Variants in SLC37A2 observed in about 807,000 individuals in gnomAD.
SLC37A2 encodes the protein solute carrier family 37 member 2.
Under a neutral mutation model 70.7 loss-of-function variants are expected in SLC37A2, and 59 were observed. The observed-to-expected ratio is 0.83, with a 90% CI of 0.68 to 1.04. SLC37A2 has a LOEUF of 1.04. Among genes scored for constraint, SLC37A2 ranks in the 50% least tolerant of loss-of-function variants. SLC37A2 has a pLI of 0.00. For synonymous variants in SLC37A2, 257 were observed against 262.1 expected (o/e 0.98, Z 0.19); for missense variants, 580 against 658.1 (o/e 0.88, Z 1.30).
In SLC37A2 at chr11:125,063,973, C is replaced by G. The variant is rs748704596; in HGVS notation, c.59+547C>G. Among the ~76,000 whole-genome samples the G allele has an allele frequency of 6.6e-6, 1 of 152,166 alleles. No individual in the cohort carries two copies. Among genetic ancestry groups the G allele is most frequent in the Non-Finnish European group, 1.5e-5 (1 of 68,034 alleles). On this transcript the variant is annotated intron_variant, in intron 1 of 17. Transcript: ENST00000403796. The surrounding 1 kb of genome is among the most constrained non-coding windows in gnomAD (Gnocchi z 5.4). ...GCTCTCAGAGCAGAGCAGGGCAGCC[C>G]CTCGGCAGTGGGAGAAGGGCTTCAC...
chr11:125,071,136 G>C (rs558158427), intron 1 of SLC37A2, among the ~76,000 whole-genome samples: 2 of 152,166 alleles, frequency 1.3e-5, no homozygotes, highest in African/African-American at 4.8e-5. Flanking sequence ...TGGTGTGTGT[G>C]TGGGGTGGGG....
intron 1 of SLC37A2, among the ~76,000 whole-genome samples, chr11:125,069,028 G>A (rs116466587): frequency 0.01 from 1,567 of 152,352 alleles, 31 homozygotes; most frequent in African/African-American, 0.035. Flanking sequence ...CGAGTGTTTT[G>A]AGGTTTAAAT....
At position 125,089,244 on chromosome 11, in the gene SLC37A2, T is replaced by C. The variant is rs1949257825; in HGVS notation, c.*1110T>C. ...GATTCTGTTTGACCTGCTGTGCCCA[T>C]GCTCATCTTTGTCGGGGCTTGGCTT... On this transcript the variant is annotated 3_prime_UTR_variant, in exon 18 of 18. Transcript: ENST00000403796. The C allele has an allele frequency of 6.6e-6, 1 of 152,614 alleles. No homozygotes were observed. Among genetic ancestry groups the C allele is most frequent in the Non-Finnish European group, 1.5e-5 (1 of 68,338 alleles). The allele number at this position is 152,614 out of a possible 1,614,324, so 9.5% of individuals were successfully genotyped here.
Position 125,077,229 on chromosome 11 carries a change from G to A in SLC37A2, c.142-1G>A. 1 of 1,581,666 alleles carries A rather than the reference G, an allele frequency of 6.3e-7. No individual in the cohort carries two copies. Among genetic ancestry groups the A allele is most frequent in the Non-Finnish European group, 8.6e-7 (1 of 1,164,628 alleles). Reference sequence around the variant, plus strand: ...ACCTGTATGTCCCATTGCCTATCCAGAGCCGTCTGCACCAGAACTGCTCGG... The same window carrying A: ...ACCTGTATGTCCCATTGCCTATCCAAAGCCGTCTGCACCAGAACTGCTCGG... On this transcript the variant is annotated splice_acceptor_variant, in intron 2 of 17. Coordinates refer to ENST00000403796, the MANE Select transcript of SLC37A2 (RefSeq NM_001145290.2). LOFTEE classifies it high-confidence loss of function.
chr11:125,076,074 G>A (rs781780751), intron 1 of SLC37A2, among the ~76,000 whole-genome samples: 24 of 152,260 alleles, frequency 1.6e-4, no homozygotes, highest in East Asian at 5.8e-4. Flanking sequence ...AGTGCCACCC[G>A]CCTGCACTGT....
chr11:125,081,583 A>G, intron 8 of SLC37A2, 125 bp downstream of exon 8: 2 of 1,380,818 alleles, frequency 1.4e-6, no homozygotes, highest in Non-Finnish European at 2.0e-6. Context: ...ACCCAGTGCT[A>G]GGCCCATGGG....
In SLC37A2 at chr11:125,085,431, C is replaced by T. The variant is rs986653483; in HGVS notation, c.1285C>T (p.Leu429=). Residue 429 remains leucine (L), a synonymous_variant, in exon 15 of 18, where the codon CTG becomes TTG. Transcript: ENST00000403796. The part of the protein sequence containing the change: ...HKSLKGNAKA[L]STVTAIIDGT... ...GAGCCTGAAGGGCAACGCCAAAGCCCTGTCCACGGTCACGGCCATCATTGA... is the reference window on the plus strand; with the variant it reads ...GAGCCTGAAGGGCAACGCCAAAGCCTTGTCCACGGTCACGGCCATCATTGA... The T allele has an allele frequency of 2.5e-6, 4 of 1,613,924 alleles. No individual in the cohort carries two copies. Among genetic ancestry groups the T allele is most frequent in the South Asian group, 2.2e-5 (2 of 91,074 alleles).
At chr11:125,078,646 G>A (rs1949114795) in intron 4 of SLC37A2, among the ~76,000 whole-genome samples, 1 of 152,266 alleles carries the variant, frequency 6.6e-6, no homozygotes, top group South Asian at 2.1e-4. Flanking sequence ...AGGCGTCAGG[G>A]TGGTTGGTGG....
rs1433826862 is a variant in SLC37A2 at position 125,088,190 on chromosome 11, C to A, written c.*56C>A. The A allele has an allele frequency of 3.9e-6, 6 of 1,542,092 alleles. No homozygotes were observed. Among genetic ancestry groups the A allele is most frequent in the South Asian group, 1.2e-5 (1 of 83,802 alleles). On this transcript the variant is annotated 3_prime_UTR_variant, in exon 18 of 18. Coordinates refer to ENST00000403796, the MANE Select transcript of SLC37A2 (RefSeq NM_001145290.2). ...CCCAGTTGGGTCCCCAACGTGCTCC[C>A]CATGGGCAAGACAATGGAAACTTCC...
At chr11:125,073,168 G>A (rs1029993912) in intron 1 of SLC37A2, among the ~76,000 whole-genome samples, 1 of 152,118 alleles carries the variant, frequency 6.6e-6, no homozygotes, top group African/African-American at 2.4e-5. Flanking sequence ...CAGGATGCAC[G>A]TGGGGACCCC....
chr11:125,070,558 T>C (rs1591627437), intron 1 of SLC37A2, among the ~76,000 whole-genome samples: 1 of 152,232 alleles, frequency 6.6e-6, no homozygotes, highest in Non-Finnish European at 1.5e-5. Flanking sequence ...GATGTCTGTT[T>C]CCCTGTCCTA....
chr11:125,065,167 C>T (rs7128218), intron 1 of SLC37A2, among the ~76,000 whole-genome samples: 11 of 152,014 alleles, frequency 7.2e-5, no homozygotes, highest in Non-Finnish European at 1.0e-4. Flanking sequence ...GATAACCTGG[C>T]GGACTATGTG....
chr11:125,087,870 G>T, intron 17 of SLC37A2: 2 of 381,512 alleles, frequency 5.2e-6, no homozygotes, highest in Non-Finnish European at 9.7e-6. Context: ...AACCTCAGGT[G>T]ACTCACCCGC....
chr11:125,089,893 G>T lies in SLC37A2; in HGVS notation c.*1759G>T, dbSNP rs528314638. ...GCTGAGGAGTGCGAGCGCACGGCGC[G>T]GGACTGGCAGGCAGCTCCACCTGCA... On this transcript the variant is annotated 3_prime_UTR_variant, in exon 18 of 18. Transcript: ENST00000403796. 7.6e-5 allele frequency: 12 copies of T among 158,218 alleles called. No homozygotes were observed. In the South Asian group the frequency reaches 2.1e-3, roughly 28 times the overall value. The allele number at this position is 158,218 out of a possible 1,614,324, so 9.8% of individuals were successfully genotyped here. A position where few individuals can be genotyped will look rare whatever the true frequency, so the allele number is the denominator to read the frequency against.
chr11:125,085,182 G>C, intron 14 of SLC37A2, 43 bp downstream of exon 14: 1 of 1,578,734 alleles, frequency 6.3e-7, no homozygotes, highest in East Asian at 2.2e-5. Context: ...CGTTCTGGGG[G>C]CTTGGTCAGG....
chr11:125,084,053 G>A (rs974438089), intron 11 of SLC37A2, among the ~76,000 whole-genome samples, 176 bp downstream of exon 11: 2 of 152,152 alleles, frequency 1.3e-5, no homozygotes, highest in African/African-American at 4.8e-5. Context: ...TAAGAAAGAT[G>A]CCCTTTTGTT....
chr11:125,081,286 G>A (rs1949144064), intron 7 of SLC37A2, 135 bp from the exon 8 acceptor site: 1 of 824,598 alleles, frequency 1.2e-6, no homozygotes, highest in Non-Finnish European at 1.9e-6. Flanking sequence ...ACACACACTG[G>A]CCACCTTAGG....
In SLC37A2 at chr11:125,080,665, C is replaced by A. The variant is rs1304824494; in HGVS notation, c.579C>A (p.Ile193=). Residue 193 remains isoleucine (I), a synonymous_variant, in exon 7 of 18, where the codon ATC becomes ATA. Transcript: ENST00000403796. This position sits in a 1 kb window ranked among gnomAD's most constrained non-coding sequence, Gnocchi z 4.3. ...IWNSHTSVGN[I]LGSLIAGIWV... is the part of the protein sequence containing the mutation. ...ATTCCCACACATCTGTGGGCAACAT[C>A]CTGGGCTCCCTGATCGCCGGCATCT... is the stretch of plus-strand genomic sequence containing the variant. 4.4e-6 allele frequency: 7 copies of A among 1,579,840 alleles called. No individual in the cohort carries two copies. In the African/African-American group the frequency reaches 6.8e-5, roughly 15 times the overall value.
At position 125,086,387 on chromosome 11, in the gene SLC37A2, T is replaced by C. The variant is rs1949215917; in HGVS notation, c.1490+369T>C. ...TCTTGTGGGCCAGTTGTAAAGACTT[T>C]CAACCTCAGCAGAGCATGGTGCTTG... On this transcript the variant is annotated intron_variant, in intron 17 of 17. Coordinates refer to ENST00000403796, the MANE Select transcript of SLC37A2 (RefSeq NM_001145290.2). The C allele has an allele frequency of 3.7e-6, 3 of 807,464 alleles. No homozygotes were observed. The East Asian group carries it at 7.3e-5, about 20-fold the overall frequency. The allele number at this position is 807,464 out of a possible 1,614,324, so 50.0% of individuals were successfully genotyped here.
Sources: gnomAD v4.1 joint callset for allele counts (sites outside exome capture counted in the v4.1 genomes callset) on GRCh38, gnomAD v4.1.1 for gene constraint, Gnocchi (gnomAD v3.1) non-coding constraint, MANE v1.5 for transcripts, NCBI Gene and HGNC (gene_info 2026-07-23, HGNC 2026-07-21) for gene names.